Variants in TTC7A observed in about 807,000 individuals in gnomAD.
TTC7A encodes tetratricopeptide repeat protein 7A.
TTC7A carries 110 observed loss-of-function variants against 103.7 expected under a neutral mutation model. That is an observed-to-expected ratio of 1.06 (90% CI 0.91 to 1.24). The LOEUF is 1.24. TTC7A is among the 50% of genes most tolerant of loss of function. The pLI, the probability that TTC7A is intolerant of heterozygous loss-of-function variation, is 0.00. For missense variants in TTC7A, 1,340 were observed against 1,116.3 expected (o/e 1.20, Z -2.86); for synonymous variants, 521 against 467.9 (o/e 1.11, Z -1.47).
At chr2:47,070,605 T>G (rs1684596415) in intron 19 of TTC7A, among the ~76,000 whole-genome samples, 1 of 152,152 alleles carries the variant, frequency 6.6e-6, no homozygotes. Context: ...GAGGCGGTTG[T>G]GTGGTCAGGA....
chr2:47,040,195 C>T lies in TTC7A; in HGVS notation c.1803-6120C>T, dbSNP rs986853314. On this transcript the variant is annotated intron_variant, in intron 15 of 19. Transcript: ENST00000319190. ...GGGCTTCTGTCTGCACTGGGCTCCC[C>T]GCCCAGACCAGGGCCTGTGTGCCAC... Among the ~76,000 whole-genome samples the T allele has an allele frequency of 3.9e-5, 6 of 152,304 alleles. No individual in the cohort carries two copies. The South Asian group carries it at 8.3e-4, about 21-fold the overall frequency.
intron 3 of TTC7A, among the ~76,000 whole-genome samples, chr2:46,961,110 TC>T (rs1249058821): frequency 6.6e-6 from 1 of 152,146 alleles, no homozygotes; most frequent in African/African-American, 2.4e-5. Flanking sequence ...CTTTGTAACT[TC>T]CGCCAGCCTA....
At chr2:46,982,153 G>A (rs1434540047) in intron 5 of TTC7A, among the ~76,000 whole-genome samples, 2 of 151,856 alleles carry the variant, frequency 1.3e-5, no homozygotes, top group Admixed American at 1.3e-4. Context: ...TGGGAGGATC[G>A]CTTGAGTCCA....
chr2:46,975,132 G>A, intron 4 of TTC7A, 29 bp downstream of exon 4: 2 of 1,611,316 alleles, frequency 1.2e-6, no homozygotes, highest in South Asian at 2.2e-5. Flanking sequence ...CGTGGTAGGA[G>A]CTGCTCTCTA....
At chr2:47,051,624 G>T (rs1027813885) in intron 17 of TTC7A, 122 bp from the exon 18 acceptor site, 4 of 1,283,234 alleles carry the variant, frequency 3.1e-6, no homozygotes, top group African/African-American at 1.5e-5. Flanking sequence ...CTGCCCAGCC[G>T]CACCACCCTA....
intron 19 of TTC7A, among the ~76,000 whole-genome samples, chr2:47,069,498 C>T (rs1012061886): frequency 1.4e-4 from 22 of 152,128 alleles, no homozygotes; most frequent in Admixed American, 1.4e-3. Context: ...GCCCAGGGGG[C>T]TCTGGGGTGA....
rs1685177639 is a variant in TTC7A, at chr2:47,075,947, A to G, written c.*2024A>G. ...ACAGAGATCCCCTCGGGCATTGCTGATGGGCCACCTTCAGCTGCAGGGAAG... is the reference window on the plus strand; with the variant it reads ...ACAGAGATCCCCTCGGGCATTGCTGGTGGGCCACCTTCAGCTGCAGGGAAG... On this transcript the variant is annotated 3_prime_UTR_variant, in exon 20 of 20. Coordinates refer to ENST00000319190, the MANE Select transcript of TTC7A (RefSeq NM_020458.4). 2 of 152,350 alleles carry G rather than the reference A, an allele frequency of 1.3e-5. No homozygotes were observed. The highest frequency in any genetic ancestry group is 4.8e-5 in the African/African-American group (2 of 41,404). 9.4% of individuals were successfully genotyped at this position (152,350 alleles called of 1,614,324 possible). A position where few individuals can be genotyped will look rare whatever the true frequency, so the allele number is the denominator to read the frequency against.
intron 2 of TTC7A, among the ~76,000 whole-genome samples, chr2:46,920,626 T>C (rs551027730): frequency 6.6e-6 from 1 of 151,120 alleles, no homozygotes; most frequent in Non-Finnish European, 1.5e-5. Context: ...CCACCATGCC[T>C]GGCCTTAGTC....
At position 46,918,213 on chromosome 2, in the gene TTC7A, G is replaced by A. The variant is rs143632291; in HGVS notation, c.82+936G>A. Among the ~76,000 whole-genome samples, 12 of 152,242 alleles carry A rather than the reference G, an allele frequency of 7.9e-5. No homozygotes were observed. The East Asian group carries it at 2.1e-3, about 27-fold the overall frequency. ...ACCTCTCTCAGTCTTGTGCATTTTA[G>A]TAAATGTCACTGGTACTCATTCTGT... On this transcript the variant is annotated intron_variant, in intron 2 of 20. Transcript: ENST00000409245.
intron 11 of TTC7A, among the ~76,000 whole-genome samples, chr2:47,016,648 G>A (rs1678686021): frequency 6.6e-6 from 1 of 152,230 alleles, no homozygotes; most frequent in Non-Finnish European, 1.5e-5. Context: ...GTATTTTGAT[G>A]AGCAAGGAAA....
intron 8 of TTC7A, among the ~76,000 whole-genome samples, chr2:46,997,303 T>C (rs2104404415): frequency 6.6e-6 from 1 of 152,200 alleles, no homozygotes; most frequent in Middle Eastern, 3.4e-3. Context: ...TTTGTGGCCT[T>C]TGTGTACTGA....
intron 1 of TTC7A, chr2:46,917,162 A>C (rs966112575): frequency 4.3e-6 from 3 of 695,128 alleles, no homozygotes; most frequent in Non-Finnish European, 7.9e-6. Flanking sequence ...ATAATCCCTA[A>C]TTTTTTTTTC....
chr2:47,032,090 G>T (rs1185101898), intron 15 of TTC7A, among the ~76,000 whole-genome samples: 1 of 152,226 alleles, frequency 6.6e-6, no homozygotes, highest in African/African-American at 2.4e-5. Context: ...CTCAGGTGCT[G>T]ACTCCTTCCC....
chr2:46,951,575 CT>C, intron 2 of TTC7A: 1 of 447,468 alleles, frequency 2.2e-6, no homozygotes, highest in Non-Finnish European at 4.5e-6. Context: ...TTCTTTCTGT[CT>C]TTCTGTCTGT....
At chr2:46,998,639 A>G (rs549391854) in intron 8 of TTC7A, among the ~76,000 whole-genome samples, 9 of 152,340 alleles carry the variant, frequency 5.9e-5, no homozygotes, top group Middle Eastern at 3.4e-3. Context: ...TGCAGAATGC[A>G]TTATGCTGCA....
In TTC7A at chr2:46,950,347, C is replaced by T. The variant is rs780869208; in HGVS notation, c.185-16C>T. The T allele has an allele frequency of 5.0e-6, 8 of 1,613,766 alleles. No individual in the cohort carries two copies. The highest frequency in any genetic ancestry group is 1.7e-6 in the Non-Finnish European group (2 of 1,179,944). The stretch of plus-strand genomic sequence containing the variant: ...TGTTCGGGGTTTGCTGCTCTGACCC[C>T]TACTTTGCTTTTCAGATGACTTTGG... On this transcript the variant is annotated splice_polypyrimidine_tract_variant and intron_variant, in intron 1 of 19. Coordinates refer to ENST00000319190, the MANE Select transcript of TTC7A (RefSeq NM_020458.4).
chr2:47,028,732 C>G (rs548185617), intron 14 of TTC7A, among the ~76,000 whole-genome samples: 116 of 152,320 alleles, frequency 7.6e-4, no homozygotes, highest in Non-Finnish European at 1.5e-3. Flanking sequence ...AGACTAGAAT[C>G]TGGATTCTAG....
At chr2:46,975,603 T>C (rs1337499929) in intron 4 of TTC7A, among the ~76,000 whole-genome samples, 7 of 152,132 alleles carry the variant, frequency 4.6e-5, no homozygotes, top group Non-Finnish European at 1.0e-4. Flanking sequence ...CTGGGTTAAC[T>C]GTCTGCAGGG....
At chr2:47,066,803 G>A (rs960549444) in intron 19 of TTC7A, among the ~76,000 whole-genome samples, 12 of 152,326 alleles carry the variant, frequency 7.9e-5, no homozygotes, top group African/African-American at 1.7e-4. Flanking sequence ...GAATCCTTCC[G>A]CCTCAGCCTC....
Sources: allele counts gnomAD v4.1 joint callset (sites outside exome capture counted in the v4.1 genomes callset), GRCh38; gene constraint gnomAD v4.1.1; transcripts MANE v1.5; gene names NCBI Gene and HGNC (gene_info 2026-07-23, HGNC 2026-07-21).